Variants in PRPF6 observed in about 807,000 individuals in gnomAD.
PRPF6 encodes the protein pre-mRNA-processing factor 6.
In PRPF6, 42 loss-of-function variants were observed where a neutral mutation model predicts 118.3. The observed-to-expected ratio is 0.35, with a 90% CI of 0.28 to 0.46. The LOEUF is 0.46. Among genes scored for constraint, PRPF6 ranks in the 20% least tolerant of loss-of-function variants. PRPF6 has a pLI of 1.00. For synonymous variants in PRPF6, 481 were observed against 485.1 expected (o/e 0.99, Z 0.11); for missense variants, 662 against 1,255.7 (o/e 0.53, Z 7.15).
At chr20:63,985,489 C>A (rs576234406) in intron 3 of PRPF6, among the ~76,000 whole-genome samples, 2 of 152,172 alleles carry the variant, frequency 1.3e-5, no homozygotes, top group African/African-American at 2.4e-5. Flanking sequence ...TGGGCTGTTA[C>A]AGAACAGCCT....
At chr20:64,010,390 A>C in intron 10 of PRPF6, 72 bp downstream of exon 10, 2 of 1,232,356 alleles carry the variant, frequency 1.6e-6, no homozygotes, top group Non-Finnish European at 1.2e-6. Flanking sequence ...AGTGTCTGGA[A>C]GTGATGATAC....
chr20:63,995,115 A>G, intron 5 of PRPF6, 23 bp downstream of exon 5: 1 of 1,614,056 alleles, frequency 6.2e-7, no homozygotes, highest in South Asian at 1.1e-5. Context: ...AAAAGGGCAC[A>G]TGTGGCCCAT....
At chr20:63,986,862 C>T (rs1228011692) in intron 3 of PRPF6, among the ~76,000 whole-genome samples, 1 of 151,526 alleles carries the variant, frequency 6.6e-6, no homozygotes, top group African/African-American at 2.4e-5. Context: ...TCTCAAAAAA[C>T]TGCATATAGA....
chr20:63,987,579 A>G (rs556187529), intron 3 of PRPF6, among the ~76,000 whole-genome samples: 5 of 152,368 alleles, frequency 3.3e-5, no homozygotes, highest in African/African-American at 9.6e-5. Context: ...CTGTGATTCA[A>G]CATTGTACTG....
intron 12 of PRPF6, among the ~76,000 whole-genome samples, chr20:64,020,882 G>A (rs2059259644): frequency 2.0e-5 from 3 of 151,950 alleles, no homozygotes; most frequent in Admixed American, 6.6e-5. Flanking sequence ...CGCCTCCTGG[G>A]TTCAAGCAAT....
chr20:64,015,618 T>C (rs1444746088), intron 11 of PRPF6, among the ~76,000 whole-genome samples: 1 of 152,242 alleles, frequency 6.6e-6, no homozygotes, highest in African/African-American at 2.4e-5. Flanking sequence ...GGAATATATT[T>C]GTCACATGAA....
At chr20:64,004,862 G>A (rs2059182694) in intron 9 of PRPF6, among the ~76,000 whole-genome samples, 1 of 152,214 alleles carries the variant, frequency 6.6e-6, no homozygotes, top group South Asian at 2.1e-4. Context: ...TGGAAGTGGA[G>A]TTATTTTACA....
At chr20:63,999,805 T>C in intron 8 of PRPF6, 46 bp downstream of exon 8, 5 of 1,607,864 alleles carry the variant, frequency 3.1e-6, no homozygotes, top group Non-Finnish European at 4.2e-6. Context: ...TGCGTGATTG[T>C]GGCCCCTACG....
chr20:64,008,097 C>T lies in PRPF6; in HGVS notation c.1187-2103C>T, dbSNP rs544273258. ...TACCTGGCCCGGCCTAATTTCTTAACATCATTAAATGTCTACTGCATTCAT... is the reference window on the plus strand; with the variant it reads ...TACCTGGCCCGGCCTAATTTCTTAATATCATTAAATGTCTACTGCATTCAT... On this transcript the variant is annotated intron_variant, in intron 9 of 20. Coordinates refer to ENST00000266079, the MANE Select transcript of PRPF6 (RefSeq NM_012469.4). 1.2e-3 allele frequency among the ~76,000 whole-genome samples: 184 copies of T among 152,290 alleles called. 1 individual carries two copies. Among genetic ancestry groups the T allele is most frequent in the Middle Eastern group, 3.4e-3 (1 of 294 alleles).
chr20:63,983,043 G>A lies in PRPF6; in HGVS notation c.72-4G>A. 1 of 1,613,954 alleles carries A rather than the reference G, an allele frequency of 6.2e-7. No individual in the cohort carries two copies. Among genetic ancestry groups the A allele is most frequent in the South Asian group, 1.1e-5 (1 of 91,042 alleles). Reference sequence around the variant, plus strand: ...ACACCCGGTGTCTTGGGGGTCTCCTGCAGCGCCACTGGCTTCACCACGCGG... The same window carrying A: ...ACACCCGGTGTCTTGGGGGTCTCCTACAGCGCCACTGGCTTCACCACGCGG... On this transcript the variant is annotated splice_region_variant and splice_polypyrimidine_tract_variant and intron_variant, in intron 1 of 20. Transcript: ENST00000266079.
At chr20:64,004,658 C>T (rs1267638531) in intron 9 of PRPF6, among the ~76,000 whole-genome samples, 2 of 152,156 alleles carry the variant, frequency 1.3e-5, no homozygotes, top group Non-Finnish European at 2.9e-5. Flanking sequence ...AGGCATGGTG[C>T]TTGGCCTCTG....
At chr20:63,997,819 C>T (rs897580396) in intron 6 of PRPF6, among the ~76,000 whole-genome samples, 4 of 152,030 alleles carry the variant, frequency 2.6e-5, no homozygotes, top group African/African-American at 4.8e-5. Flanking sequence ...CAGTGATCCA[C>T]GTGGCTCGGC....
At chr20:64,002,493 G>A (rs955795367) in intron 9 of PRPF6, among the ~76,000 whole-genome samples, 1 of 151,438 alleles carries the variant, frequency 6.6e-6, no homozygotes, top group Non-Finnish European at 1.5e-5. Flanking sequence ...GCGCCTCCAT[G>A]CCTGGCCAAT....
In PRPF6 at chr20:63,999,128, A is replaced by G; in HGVS notation, c.855A>G (p.Gly285=). The part of the protein sequence containing the change: ...TDLNSMIPTH[G]GDINDIKKAR... ...TAAATTCCATGATCCCGACACACGG[A>G]GGAGACATCAAGTGAGTGCTTTGCA... Residue 285 remains glycine, a synonymous_variant, in exon 7 of 21, where the codon GGA becomes GGG. Transcript: ENST00000266079. 3.1e-6 allele frequency: 5 copies of G among 1,613,822 alleles called. No individual in the cohort carries two copies. Among genetic ancestry groups the G allele is most frequent in the Non-Finnish European group, 4.2e-6 (5 of 1,179,872 alleles).
rs190924984 is a variant in PRPF6, at chr20:63,997,863, C to T, written c.772-1182C>T. Among the ~76,000 whole-genome samples, 741 of 152,102 alleles carry T rather than the reference C, an allele frequency of 4.9e-3. 6 individuals are homozygous for T. Among genetic ancestry groups the T allele is most frequent in the African/African-American group, 0.016 (649 of 41,482 alleles). On this transcript the variant is annotated intron_variant, in intron 6 of 20. Coordinates refer to ENST00000266079, the MANE Select transcript of PRPF6 (RefSeq NM_012469.4). ...GTGCTGGGATTACAGGCATGAGCCC[C>T]GGCGCCCCGGCCAGCATGTTCTCAG...
At chr20:64,010,140 A>G (rs888827231) in intron 9 of PRPF6, 60 bp from the exon 10 acceptor site, 4 of 1,411,564 alleles carry the variant, frequency 2.8e-6, no homozygotes, top group Non-Finnish European at 3.0e-6. Context: ...TGCTCACCAC[A>G]TGAGCCTCCT....
At position 64,011,381 on chromosome 20, in the gene PRPF6, A is replaced by G; in HGVS notation, c.1402A>G (p.Ile468Val). 1 of 1,614,224 alleles carries G rather than the reference A, an allele frequency of 6.2e-7. No individual in the cohort carries two copies. Among genetic ancestry groups the G allele is most frequent in the Admixed American group, 1.7e-5 (1 of 60,024 alleles). Residue 468 changes from isoleucine to valine, a missense_variant, in exon 11 of 21, where the codon ATC (isoleucine) becomes GTC (valine). This residue lies in a region of PRPF6 where 189 missense variants were observed against 323.5 expected (regional missense o/e 0.58). Transcript: ENST00000266079. The surrounding 1 kb of genome is among the most constrained non-coding windows in gnomAD (Gnocchi z 6.7). The stretch of plus-strand genomic sequence containing the variant: ...CATTCCTACAGACCGACATATCTGG[A>G]TCACGGCTGCTAAGCTGGAGGAAGC... ...ENIPTDRHIW[I>V]TAAKLEEANG...
At position 64,024,505 on chromosome 20, in the gene PRPF6, G is replaced by A. The variant is rs367566204; in HGVS notation, c.1770-50G>A. The A allele has an allele frequency of 1.7e-5, 27 of 1,611,176 alleles. No homozygotes were observed. The African/African-American group carries it at 3.3e-4, about 20-fold the overall frequency. On this transcript the variant is annotated intron_variant, in intron 13 of 20. Transcript: ENST00000266079. The stretch of plus-strand genomic sequence containing the variant: ...CACGCCATGGCTGAGTGTGATGTGT[G>A]TTCTGGTTTATGGCCCTGCCTCTGG...
At chr20:63,993,582 T>A in intron 4 of PRPF6, 97 bp downstream of exon 4, 1 of 1,038,344 alleles carries the variant, frequency 9.6e-7, no homozygotes, top group African/African-American at 1.6e-5. Context: ...TATGAGACTT[T>A]ACGTTTTTAA....
Sources: allele counts gnomAD v4.1 joint callset (sites outside exome capture counted in the v4.1 genomes callset), GRCh38; gene constraint gnomAD v4.1.1; regional missense constraint gnomAD v4.1.1; non-coding constraint Gnocchi (gnomAD v3.1); transcripts MANE v1.5; gene names NCBI Gene and HGNC (gene_info 2026-07-23, HGNC 2026-07-21).